Variants in HIVEP1 observed in about 807,000 individuals in gnomAD.
HIVEP1 encodes HIVEP zinc finger 1, also known as zinc finger protein 40.
Under a neutral mutation model 180.0 loss-of-function variants are expected in HIVEP1, and 36 were observed. The observed-to-expected ratio is 0.20, with a 90% confidence interval of 0.15 to 0.26. The LOEUF (loss-of-function observed/expected upper bound fraction) is 0.26. Among genes scored for constraint, HIVEP1 ranks in the 10% least tolerant of loss-of-function variants. HIVEP1 has a pLI of 1.00. For missense variants in HIVEP1, 3,143 were observed against 3,268.7 expected, an observed-to-expected ratio of 0.96 and a Z score of 0.94; for synonymous variants, 1,239 against 1,239.0, an observed-to-expected ratio of 1.00 and a Z score of 0.00.
intron 2 of HIVEP1, among the ~76,000 whole-genome samples, chr6:12,081,189 G>A (rs1349101469): frequency 1.3e-5 from 2 of 152,102 alleles, no homozygotes; most frequent in Non-Finnish European, 2.9e-5. Flanking sequence ...TTCTTCATCC[G>A]AGTTGCCAAG....
chr6:12,011,690 T>G (rs1026489606), upstream of HIVEP1, among the ~76,000 whole-genome samples: 1 of 148,008 alleles, frequency 6.8e-6, no homozygotes, highest in Non-Finnish European at 1.5e-5. Context: ...CGGCGCGGTC[T>G]GGGGCCCGCC....
intron 2 of HIVEP1, among the ~76,000 whole-genome samples, chr6:12,024,217 C>T (rs1768433214): frequency 6.8e-6 from 1 of 148,066 alleles, no homozygotes; most frequent in African/African-American, 2.5e-5. Flanking sequence ...AGGCTTTAGG[C>T]TTACATTTGG....
At chr6:12,205,698 T>C in the HIVEP1 span, among the ~76,000 whole-genome samples, 3 of 152,230 alleles carry the variant, frequency 2.0e-5, no homozygotes, top group Non-Finnish European at 4.4e-5. Context: ...ATTTGTAAAG[T>C]ACATATTTGT....
chr6:12,194,709 G>C, the HIVEP1 span, among the ~76,000 whole-genome samples: 2 of 152,180 alleles, frequency 1.3e-5, no homozygotes, highest in East Asian at 3.9e-4. Context: ...GGCTGAGGTG[G>C]GAGAATCACT....
chr6:12,135,119 G>A (rs1401081631), intron 6 of HIVEP1, among the ~76,000 whole-genome samples: 1 of 152,182 alleles, frequency 6.6e-6, no homozygotes, highest in South Asian at 2.1e-4. Context: ...AGCATCTGAG[G>A]TTCCTGAAAT....
At chr6:12,018,096 C>T (rs1181493528) in intron 2 of HIVEP1, among the ~76,000 whole-genome samples, 1 of 152,206 alleles carries the variant, frequency 6.6e-6, no homozygotes, top group East Asian at 1.9e-4. Flanking sequence ...GGCGAGAAAT[C>T]GAGCGCAGCA....
At chr6:12,153,225 G>A (rs1037648291) in intron 7 of HIVEP1, among the ~76,000 whole-genome samples, 1 of 152,068 alleles carries the variant, frequency 6.6e-6, no homozygotes, top group Non-Finnish European at 1.5e-5. Context: ...TATTTATAAG[G>A]TAGCTTATTG....
At chr6:12,060,986 TC>T (rs1470826365) in intron 2 of HIVEP1, among the ~76,000 whole-genome samples, 1 of 152,068 alleles carries the variant, frequency 6.6e-6, no homozygotes, top group Non-Finnish European at 1.5e-5. Context: ...GGGGAGGACT[TC>T]CAGGAGGCAG....
chr6:12,185,852 A>G, the HIVEP1 span, among the ~76,000 whole-genome samples: 2 of 152,212 alleles, frequency 1.3e-5, no homozygotes, highest in East Asian at 1.9e-4. Flanking sequence ...GGAAATGAAC[A>G]TGGTATATCC....
At chr6:12,186,550 A>AAG in the HIVEP1 span, among the ~76,000 whole-genome samples, 1 of 149,906 alleles carries the variant, frequency 6.7e-6, no homozygotes, top group Non-Finnish European at 1.5e-5. Flanking sequence ...AAATTGTTAA[A>AAG]AAAAAAAAAA....
chr6:12,032,432 G>A (rs1367830144), intron 2 of HIVEP1, among the ~76,000 whole-genome samples: 2 of 152,126 alleles, frequency 1.3e-5, no homozygotes, highest in Admixed American at 6.5e-5. Flanking sequence ...GTGAGCCACC[G>A]CGCCCGGCCA....
At chr6:12,053,253 A>G (rs1426999747) in intron 2 of HIVEP1, among the ~76,000 whole-genome samples, 3 of 151,950 alleles carry the variant, frequency 2.0e-5, no homozygotes, top group African/African-American at 7.2e-5. Flanking sequence ...GTGTGTGTGT[A>G]GGGATATTTT....
At chr6:12,188,203 C>G in the HIVEP1 span, among the ~76,000 whole-genome samples, 1 of 152,060 alleles carries the variant, frequency 6.6e-6, no homozygotes, top group East Asian at 1.9e-4. Flanking sequence ...AAGCCACAAC[C>G]AAATGGGGTT....
chr6:12,186,536 C>A, the HIVEP1 span, among the ~76,000 whole-genome samples: 1 of 99,544 alleles, frequency 1.0e-5, no homozygotes. Context: ...TCACTAAAAC[C>A]ATCAAATTGT....
chr6:12,137,427 T>C (rs1473775637), intron 7 of HIVEP1, among the ~76,000 whole-genome samples: 1 of 152,232 alleles, frequency 6.6e-6, no homozygotes, highest in Non-Finnish European at 1.5e-5. Flanking sequence ...TACCTATGTA[T>C]TTATTCATTG....
intron 3 of HIVEP1, among the ~76,000 whole-genome samples, chr6:12,104,226 A>G (rs542250700): frequency 1.4e-4 from 22 of 152,160 alleles, no homozygotes; most frequent in Admixed American, 9.2e-4. Flanking sequence ...ATTTTTAACA[A>G]TTTTTAGACT....
intron 2 of HIVEP1, among the ~76,000 whole-genome samples, chr6:12,033,285 G>T (rs901880314): frequency 6.6e-6 from 1 of 151,938 alleles, no homozygotes; most frequent in Non-Finnish European, 1.5e-5. Context: ...TTTATGATGG[G>T]TTTATCAGTT....
the HIVEP1 span, among the ~76,000 whole-genome samples, chr6:12,197,952 G>A: frequency 6.6e-6 from 1 of 152,186 alleles, no homozygotes; most frequent in African/African-American, 2.4e-5. Flanking sequence ...AGAGGGAGGA[G>A]GTATAAGGGA....
At chr6:12,011,810 G>A (rs1436500204), upstream of HIVEP1, among the ~76,000 whole-genome samples, 3 of 147,380 alleles carry the variant, frequency 2.0e-5, no homozygotes, top group South Asian at 4.2e-4. Context: ...CTGGGCCCCG[G>A]CGCCTGGGCG....
Sources: gnomAD v4.1 joint callset for allele counts (sites outside exome capture counted in the v4.1 genomes callset) on GRCh38, gnomAD v4.1.1 for gene constraint, MANE v1.5 for transcripts, NCBI Gene and HGNC (gene_info 2026-07-23, HGNC 2026-07-21) for gene names.